Variants in USP10 observed in about 807,000 individuals in gnomAD.
USP10 encodes ubiquitin specific peptidase 10, also known as ubiquitin carboxyl-terminal hydrolase 10.
Under a neutral mutation model 84.5 loss-of-function variants are expected in USP10, and 22 were observed. That is an observed-to-expected ratio of 0.26 (90% CI 0.19 to 0.37). The LOEUF (loss-of-function observed/expected upper bound fraction) is 0.37. USP10 is among the 10% of genes least tolerant of loss of function. The pLI is 1.00. For missense variants in USP10, 1,019 were observed against 998.9 expected (o/e 1.02, Z -0.27); for synonymous variants, 454 against 387.6 (o/e 1.17, Z -2.01).
chr16:84,728,115 A>G (rs1908749672), intron 1 of USP10, among the ~76,000 whole-genome samples: 1 of 152,162 alleles, frequency 6.6e-6, no homozygotes, highest in Non-Finnish European at 1.5e-5. Flanking sequence ...CTAAAATAAC[A>G]TTTGATTGGA....
rs1482789282 is a variant in USP10 at position 84,701,934 on chromosome 16, CTTCTTTTT to C, written c.21+1826_21+1833del. ...TAGTTTGATTTCTCATAATTTTCTTCTTCTTTTTTTTTTTTTTTTTGAGTTGGAATTTG... is the reference window on the plus strand; with the variant it reads ...TAGTTTGATTTCTCATAATTTTCTTCTTTTTTTTTTTTGAGTTGGAATTTG... On this transcript the variant is annotated intron_variant, in intron 1 of 13. Coordinates refer to ENST00000219473, the MANE Select transcript of USP10 (RefSeq NM_005153.3). Among the ~76,000 whole-genome samples the C allele has an allele frequency of 1.2e-4, 11 of 92,694 alleles. No homozygotes were observed. The East Asian group carries it at 2.8e-3, about 23-fold the overall frequency. 60.8% of individuals were successfully genotyped at this position (92,694 alleles called of 152,430 possible).
In USP10 at chr16:84,779,138, A is replaced by G; in HGVS notation, c.*56A>G. The G allele has an allele frequency of 6.5e-7, 1 of 1,542,470 alleles. No homozygotes were observed. The highest frequency in any genetic ancestry group is 8.8e-7 in the Non-Finnish European group (1 of 1,132,906). On this transcript the variant is annotated 3_prime_UTR_variant, in exon 14 of 14. Transcript: ENST00000219473. ...CCCGCTTCGTAGGACACCACCTCAC[A>G]CTCACTTCCCGCCTCTCTTTAGTGG...
At chr16:84,713,490 C>G (rs944202870) in intron 1 of USP10, among the ~76,000 whole-genome samples, 1 of 152,170 alleles carries the variant, frequency 6.6e-6, no homozygotes, top group Non-Finnish European at 1.5e-5. Context: ...GTGTCTGGTT[C>G]ACTCTCTCGT....
At chr16:84,769,691 C>G (rs1914223733) in intron 11 of USP10, among the ~76,000 whole-genome samples, 1 of 152,190 alleles carries the variant, frequency 6.6e-6, no homozygotes, top group Non-Finnish European at 1.5e-5. Context: ...CTTGAGCCAG[C>G]TATGGGAGTC....
At chr16:84,716,758 A>G (rs1182224777) in intron 1 of USP10, among the ~76,000 whole-genome samples, 1 of 152,206 alleles carries the variant, frequency 6.6e-6, no homozygotes, top group African/African-American at 2.4e-5. Context: ...GACGCCCATT[A>G]CACCAAGTTG....
chr16:84,732,392 T>C (rs1909340942), intron 1 of USP10: 1 of 384,248 alleles, frequency 2.6e-6, no homozygotes, highest in African/African-American at 2.2e-5. Flanking sequence ...GAATGAATCA[T>C]TGCTTCTCCG....
chr16:84,712,265 G>A (rs941326098), intron 1 of USP10, among the ~76,000 whole-genome samples: 2 of 152,206 alleles, frequency 1.3e-5, no homozygotes, highest in Non-Finnish European at 2.9e-5. Flanking sequence ...TTGTGGTCCT[G>A]TCCTGAGAGT....
chr16:84,752,688 G>C (rs569512243), intron 4 of USP10, among the ~76,000 whole-genome samples: 9 of 152,294 alleles, frequency 5.9e-5, no homozygotes, highest in African/African-American at 1.9e-4. Context: ...ATTCGGTCTG[G>C]TCTTAGGAGG....
chr16:84,768,344 A>G lies in USP10; in HGVS notation c.1984A>G (p.Lys662Glu). Residue 662 changes from lysine (K) to glutamate (E), a missense_variant, in exon 11 of 14, where the codon AAA becomes GAA. Transcript: ENST00000219473. ...ARESVQGYTT[K>E]TKQEVEISRR... is the part of the protein sequence containing the mutation. ...AGAATCTGTCCAAGGTTATACCACA[A>G]AAACCAAACAAGAGGTATGTTCACA... 1 of 1,603,900 alleles carries G rather than the reference A, an allele frequency of 6.2e-7. No homozygotes were observed. The highest frequency in any genetic ancestry group is 8.5e-7 in the Non-Finnish European group (1 of 1,174,366).
chr16:84,702,892 C>T (rs1361436581), intron 1 of USP10, among the ~76,000 whole-genome samples: 1 of 146,122 alleles, frequency 6.8e-6, no homozygotes, highest in Non-Finnish European at 1.5e-5. Flanking sequence ...ACTTGGGAGG[C>T]TGAGGCAGGA....
chr16:84,711,041 G>A (rs529803969), intron 1 of USP10, among the ~76,000 whole-genome samples: 26 of 152,218 alleles, frequency 1.7e-4, no homozygotes, highest in Non-Finnish European at 2.9e-5. Context: ...TTATTTTAGC[G>A]CCGAGTGGAA....
At chr16:84,766,349 T>A (rs1009823707) in intron 10 of USP10, among the ~76,000 whole-genome samples, 1 of 152,234 alleles carries the variant, frequency 6.6e-6, no homozygotes, top group African/African-American at 2.4e-5. Context: ...CCACGGCAGC[T>A]GGGTGGTCAG....
chr16:84,707,415 C>T (rs141272538), intron 1 of USP10, among the ~76,000 whole-genome samples: 46 of 151,728 alleles, frequency 3.0e-4, no homozygotes, highest in Middle Eastern at 3.4e-3. Context: ...TTTTAAGACA[C>T]GAAAACAGCA....
intron 4 of USP10, among the ~76,000 whole-genome samples, chr16:84,749,215 A>G (rs1911609362): frequency 6.6e-6 from 1 of 152,310 alleles, no homozygotes; most frequent in South Asian, 2.1e-4. Context: ...AAGTGGTAAA[A>G]CATACTCAGT....
intron 2 of USP10, among the ~76,000 whole-genome samples, chr16:84,734,030 G>C (rs1166493820): frequency 6.6e-6 from 1 of 152,110 alleles, no homozygotes; most frequent in Non-Finnish European, 1.5e-5. Flanking sequence ...ATATTTTCCT[G>C]TCGAGGGCCA....
chr16:84,727,684 A>G (rs542797390), intron 1 of USP10, among the ~76,000 whole-genome samples: 5 of 152,342 alleles, frequency 3.3e-5, no homozygotes, highest in African/African-American at 7.2e-5. Context: ...ACACACAGAC[A>G]TGGGCTAACA....
intron 3 of USP10, among the ~76,000 whole-genome samples, chr16:84,741,707 A>G (rs1177747815): frequency 6.6e-6 from 1 of 152,098 alleles, no homozygotes. Context: ...GAATCTTGCC[A>G]CCAGTTTGCA....
chr16:84,775,107 T>A, intron 12 of USP10, 53 bp from the exon 13 acceptor site: 1 of 1,535,988 alleles, frequency 6.5e-7, no homozygotes, highest in Non-Finnish European at 9.0e-7. Context: ...TCTGCTGCTG[T>A]TACCCTGAAC....
chr16:84,702,622 A>G (rs1364401954), intron 1 of USP10, among the ~76,000 whole-genome samples: 1 of 152,170 alleles, frequency 6.6e-6, no homozygotes, highest in Non-Finnish European at 1.5e-5. Context: ...TGCAAATTGA[A>G]GGTCTTATTT....
Sources: allele counts gnomAD v4.1 joint callset (sites outside exome capture counted in the v4.1 genomes callset), GRCh38; gene constraint gnomAD v4.1.1; transcripts MANE v1.5; gene names NCBI Gene and HGNC (gene_info 2026-07-23, HGNC 2026-07-21).